Variants in UGDH observed in about 807,000 individuals in gnomAD.
The protein encoded by UGDH is UDP-Glc dehydrogenase.
UGDH carries 38 observed loss-of-function variants against 50.6 expected under a neutral mutation model. The ratio of observed to expected loss-of-function variants is 0.75; its 90% CI spans 0.58 to 0.98. UGDH has a LOEUF of 0.98. Among genes scored for constraint, UGDH ranks in the 50% least tolerant of loss-of-function variants. The pLI, the probability that UGDH is intolerant of heterozygous loss-of-function variation, is 0.00. For synonymous variants in UGDH, 168 were observed against 199.9 expected (o/e 0.84, Z 1.35); for missense variants, 465 against 606.2 (o/e 0.77, Z 2.45).
At chr4:39,500,655 T>C (rs77314740) in intron 11 of UGDH, among the ~76,000 whole-genome samples, 27 of 30,180 alleles carry the variant, frequency 8.9e-4, no homozygotes, top group South Asian at 1.6e-3. Context: ...ATAATTCTCT[T>C]TTTTTTTTTT....
In UGDH at chr4:39,523,198, C is replaced by T. The variant is rs186339490; in HGVS notation, c.-7-1679G>A. ...CGCCAAGTAGCTGGGACTACAGGTG[C>T]ATGCCACCACACCAGGTTAATTTTT... On this transcript the variant is annotated intron_variant, in intron 1 of 11. Coordinates refer to ENST00000316423, the MANE Select transcript of UGDH (RefSeq NM_003359.4). Among the ~76,000 whole-genome samples the T allele has an allele frequency of 9.2e-5, 14 of 152,188 alleles. No homozygotes were observed. In the East Asian group the frequency reaches 2.1e-3, roughly 23 times the overall value.
At chr4:39,511,543 G>C (rs1329779926) in intron 3 of UGDH, among the ~76,000 whole-genome samples, 2 of 151,494 alleles carry the variant, frequency 1.3e-5, no homozygotes, top group Admixed American at 6.6e-5. Flanking sequence ...GATTACAGGC[G>C]TGAGCCACCG....
At chr4:39,512,792 T>G (rs1746291859) in intron 3 of UGDH, among the ~76,000 whole-genome samples, 1 of 151,534 alleles carries the variant, frequency 6.6e-6, no homozygotes, top group South Asian at 2.1e-4. Context: ...TCTGAAGTGA[T>G]TAAGGAGGTC....
intron 1 of UGDH, among the ~76,000 whole-genome samples, chr4:39,523,667 G>A (rs1746760228): frequency 6.6e-6 from 1 of 152,042 alleles, no homozygotes; most frequent in African/African-American, 2.4e-5. Flanking sequence ...AGCGGGGCAT[G>A]GTGGCACATG....
At chr4:39,513,315 GGTAAAGGTGTCT>G (rs1746313098) in intron 3 of UGDH, among the ~76,000 whole-genome samples, 1 of 151,982 alleles carries the variant, frequency 6.6e-6, no homozygotes, top group Non-Finnish European at 1.5e-5. Context: ...CACATTATGA[GGTAAAGGTGTCT>G]GTTGGTTAGC....
At chr4:39,500,362 G>C in intron 11 of UGDH, 109 bp from the exon 12 acceptor site, 1 of 654,786 alleles carries the variant, frequency 1.5e-6, no homozygotes, top group Non-Finnish European at 2.5e-6. Context: ...TCTTAGAAAA[G>C]GATTCTCAAG....
chr4:39,501,028 G>A (rs1358111160), intron 11 of UGDH, among the ~76,000 whole-genome samples: 11 of 150,802 alleles, frequency 7.3e-5, no homozygotes, highest in Admixed American at 4.0e-4. Flanking sequence ...GCAGTGGCAC[G>A]ATCTTGGCTC....
chr4:39,505,159 T>C, intron 9 of UGDH, 78 bp downstream of exon 9: 4 of 1,437,570 alleles, frequency 2.8e-6, no homozygotes, highest in Non-Finnish European at 3.7e-6. Context: ...ATGATAAAAC[T>C]GAACAACCTA....
intron 3 of UGDH, among the ~76,000 whole-genome samples, chr4:39,513,582 G>A (rs1405854225): frequency 2.9e-5 from 4 of 139,384 alleles, no homozygotes; most frequent in Non-Finnish European, 6.1e-5. Flanking sequence ...CTATCACCAG[G>A]CTGGAGTGCA....
intron 7 of UGDH, among the ~76,000 whole-genome samples, chr4:39,506,213 G>A (rs543583597): frequency 7.6e-6 from 1 of 130,780 alleles, no homozygotes; most frequent in African/African-American, 3.0e-5. Context: ...GGGCGACAGA[G>A]CCAGACCCTG....
chr4:39,510,977 T>C (rs1210433593), intron 3 of UGDH, 116 bp from the exon 4 acceptor site: 1 of 921,336 alleles, frequency 1.1e-6, no homozygotes, highest in Non-Finnish European at 1.7e-6. Flanking sequence ...CCTGATTTAA[T>C]CCTCTGTTAG....
At chr4:39,517,399 G>A (rs749784023) in intron 2 of UGDH, among the ~76,000 whole-genome samples, 174 of 151,766 alleles carry the variant, frequency 1.1e-3, no homozygotes, top group Non-Finnish European at 2.0e-3. Context: ...AAATACAGAC[G>A]GGGTTTCACC....
In UGDH at chr4:39,527,301, C is replaced by A. The variant is rs1403548710; in HGVS notation, c.-26G>T. The A allele has an allele frequency of 8.1e-6, 3 of 369,360 alleles. No homozygotes were observed. Among genetic ancestry groups the A allele is most frequent in the Non-Finnish European group, 1.6e-5 (3 of 192,802 alleles). 22.9% of individuals were successfully genotyped at this position (369,360 alleles called of 1,614,324 possible). The stretch of plus-strand genomic sequence containing the variant: ...CGCTTACCCACTTCCCAGCAGCAAG[C>A]GCAGGGACCGCTCCTATCCCGATCG... On this transcript the variant is annotated 5_prime_UTR_variant, in exon 1 of 12. Coordinates refer to ENST00000316423, the MANE Select transcript of UGDH (RefSeq NM_003359.4).
intron 1 of UGDH, among the ~76,000 whole-genome samples, chr4:39,523,265 T>A (rs1220370920): frequency 6.6e-6 from 1 of 151,706 alleles, no homozygotes; most frequent in Non-Finnish European, 1.5e-5. Context: ...TTGCCCAGGC[T>A]GGTCTCGAAC....
At chr4:39,514,751 C>T (rs548495823) in intron 2 of UGDH, among the ~76,000 whole-genome samples, 14 of 151,886 alleles carry the variant, frequency 9.2e-5, no homozygotes, top group African/African-American at 3.4e-4. Context: ...GGTATGATCT[C>T]GGCTCACTGC....
chr4:39,509,837 C>T lies in UGDH; in HGVS notation c.734G>A (p.Gly245Glu). ...TGTTGCTACCTCTTCTACATCAGCT[C>T]CTGTTGCTTCACACAGAGCACTTAT... Reference protein sequence around the residue: ...NSISALCEATGADVEEVATAI... With the variant: ...NSISALCEATEADVEEVATAI... The change falls in exon 6 of 12, where the codon GGA becomes GAA. Residue 245 changes from glycine (G) to glutamate (E), a missense_variant. Gly to Glu is a moderately conservative substitution (Grantham distance 98, BLOSUM62 -2). Transcript: ENST00000316423. 2 of 1,613,312 alleles carry T rather than the reference C, an allele frequency of 1.2e-6. No individual in the cohort carries two copies. The highest frequency in any genetic ancestry group is 1.7e-6 in the Non-Finnish European group (2 of 1,179,936).
chr4:39,500,119 AATCAC>A lies in UGDH; in HGVS notation c.*19_*23del. The A allele has an allele frequency of 7.4e-7, 1 of 1,358,806 alleles. No individual in the cohort carries two copies. The highest frequency in any genetic ancestry group is 1.0e-6 in the Non-Finnish European group (1 of 998,424). 84.2% of individuals were successfully genotyped at this position (1,358,806 alleles called of 1,614,324 possible). On this transcript the variant is annotated 3_prime_UTR_variant, in exon 12 of 12. Coordinates refer to ENST00000316423, the MANE Select transcript of UGDH (RefSeq NM_003359.4). ...TGAAGTACCAAAAAAAAAAAAAAAAAATCACAAATAAAAATGGCAATCTCTACACT... is the reference window on the plus strand; with the variant it reads ...TGAAGTACCAAAAAAAAAAAAAAAAAAAATAAAAATGGCAATCTCTACACT...
intron 1 of UGDH, among the ~76,000 whole-genome samples, chr4:39,524,630 T>C (rs1388420958): frequency 2.0e-5 from 3 of 151,976 alleles, no homozygotes; most frequent in Admixed American, 6.6e-5. Flanking sequence ...GCCTCCCAAG[T>C]ACCAAGTACC....
intron 1 of UGDH, among the ~76,000 whole-genome samples, chr4:39,524,492 A>G (rs1201336787): frequency 2.0e-5 from 3 of 151,928 alleles, no homozygotes; most frequent in Non-Finnish European, 4.4e-5. Context: ...AATTGACCAG[A>G]ATACTATCAA....
Sources: allele counts gnomAD v4.1 joint callset (sites outside exome capture counted in the v4.1 genomes callset), GRCh38; gene constraint gnomAD v4.1.1; transcripts MANE v1.5; gene names NCBI Gene and HGNC (gene_info 2026-07-23, HGNC 2026-07-21).